NPIPA8: variants seen among roughly 807,000 people sequenced by gnomAD.
The protein encoded by NPIPA8 is nuclear pore complex interacting protein family member A8, also known as nuclear pore complex-interacting protein family member A8.
A neutral mutation model predicts 7.1 loss-of-function variants in NPIPA8; 1 was observed. The observed-to-expected ratio is 0.14, with a 90% CI of 0.05 to 0.66. NPIPA8 has a LOEUF of 0.66. NPIPA8 is among the 30% of genes least tolerant of loss of function. The pLI is 0.84.
chr16:18,323,847 A>AAAAAAAAAAAAG lies in NPIPA8; in HGVS notation c.437+243_437+244insCTTTTTTTTTTT, dbSNP rs750129798. On this transcript the variant is annotated intron_variant, in intron 4 of 7. Coordinates refer to ENST00000541810, the Ensembl canonical transcript of NPIPA8. ...AAAAAAAAAAAAAAAAAAAAAAAAA[A>AAAAAAAAAAAAG]AGAGAAAGGAAAACCAATGCCAGTA... Among the ~76,000 whole-genome samples the AAAAAAAAAAAAG allele has an allele frequency of 7.1e-3, 651 of 91,472 alleles. 73 individuals carry two copies. Among genetic ancestry groups the AAAAAAAAAAAAG allele is most frequent in the East Asian group, 0.023 (66 of 2,840 alleles). The allele number at this position is 91,472 out of a possible 152,430, so 60.0% of individuals were successfully genotyped here.
chr16:18,335,829 CT>C (rs1384911732), upstream of NPIPA8, among the ~76,000 whole-genome samples: 1 of 126,506 alleles, frequency 7.9e-6, no homozygotes, highest in South Asian at 2.6e-4. Flanking sequence ...TTTTTTTTTT[CT>C]TTTTTTTGGA....
upstream of NPIPA8, among the ~76,000 whole-genome samples, chr16:18,335,923 C>A (rs1400008644): frequency 6.8e-6 from 1 of 148,100 alleles, no homozygotes; most frequent in Non-Finnish European, 1.5e-5. Context: ...TGGGTTCATG[C>A]CATTCTCCTG....
chr16:18,335,680 C>T, upstream of NPIPA8, among the ~76,000 whole-genome samples: 1 of 112,468 alleles, frequency 8.9e-6, no homozygotes, highest in African/African-American at 4.1e-5. Flanking sequence ...GTGCGGCCTC[C>T]CGTTTCCGTA....
At chr16:18,336,112 G>A (rs1174039672), upstream of NPIPA8, among the ~76,000 whole-genome samples, 21 of 143,570 alleles carry the variant, frequency 1.5e-4, no homozygotes, top group Admixed American at 3.5e-4. Flanking sequence ...GTGAGCCACC[G>A]TGCCTGGCCC....
At chr16:18,325,166 G>A (rs1900106351) in intron 2 of NPIPA8, among the ~76,000 whole-genome samples, 1 of 81,326 alleles carries the variant, frequency 1.2e-5, no homozygotes, top group East Asian at 3.1e-4. Flanking sequence ...GCCAGGTGCT[G>A]TAGCTCACGC....
chr16:18,323,788 C>A (rs1396706571), intron 4 of NPIPA8, among the ~76,000 whole-genome samples: 1 of 97,976 alleles, frequency 1.0e-5, no homozygotes, highest in African/African-American at 3.7e-5. Context: ...TGAACTGCAG[C>A]CTGGGCAACA....
At chr16:18,335,724 G>A (rs1900162780), upstream of NPIPA8, among the ~76,000 whole-genome samples, 1 of 126,210 alleles carries the variant, frequency 7.9e-6, no homozygotes, top group Admixed American at 7.5e-5. Flanking sequence ...CTGTATTCTT[G>A]GAAAGAGTCT....
chr16:18,325,310 C>T (rs1204339335), intron 2 of NPIPA8, among the ~76,000 whole-genome samples: 132 of 10,054 alleles, frequency 0.013, 3 homozygotes, highest in African/African-American at 0.077. Context: ...TGGCCCACGC[C>T]TGTAGTCCCA....
At position 18,325,165 on chromosome 16, in the gene NPIPA8, T is replaced by C. The variant is rs1320868052; in HGVS notation, c.193-667A>G. Among the ~76,000 whole-genome samples, 5 of 78,042 alleles carry C rather than the reference T, an allele frequency of 6.4e-5. 2 individuals are homozygous for C. The highest frequency in any genetic ancestry group is 1.6e-4 in the African/African-American group (3 of 18,520). 51.2% of individuals were successfully genotyped at this position (78,042 alleles called of 152,430 possible). ...AAAAAAAAAAAAATAGGCCAGGTGC[T>C]GTAGCTCACGCCTGTAATCCCAGCA... On this transcript the variant is annotated intron_variant, in intron 2 of 7. Coordinates refer to ENST00000541810, the Ensembl canonical transcript of NPIPA8.
upstream of NPIPA8, among the ~76,000 whole-genome samples, chr16:18,335,566 C>T (rs1421930385): frequency 3.6e-5 from 4 of 110,928 alleles, no homozygotes; most frequent in African/African-American, 8.7e-5. Context: ...GCCACGGACT[C>T]GGGAGCAACC....
upstream of NPIPA8, among the ~76,000 whole-genome samples, chr16:18,335,767 C>T (rs1261690810): frequency 7.4e-6 from 1 of 134,348 alleles, no homozygotes; most frequent in East Asian, 2.2e-4. Context: ...TCCTTAACTG[C>T]TTAGAAAAAT....
chr16:18,323,847 A>AAGAGAG (rs1555461894), intron 4 of NPIPA8, among the ~76,000 whole-genome samples: 1 of 91,596 alleles, frequency 1.1e-5, no homozygotes, highest in Non-Finnish European at 2.3e-5. Flanking sequence ...AAAAAAAAAA[A>AAGAGAG]AGAGAAAGGA....
upstream of NPIPA8, among the ~76,000 whole-genome samples, chr16:18,335,936 T>C (rs1426359439): frequency 1.3e-5 from 2 of 149,798 alleles, no homozygotes; most frequent in African/African-American, 5.0e-5. Flanking sequence ...TTCTCCTGCC[T>C]CAGCCTCTCG....
upstream of NPIPA8, among the ~76,000 whole-genome samples, chr16:18,335,601 TTC>T (rs1394844454): frequency 9.3e-6 from 1 of 107,462 alleles, no homozygotes; most frequent in Non-Finnish European, 1.9e-5. Flanking sequence ...CTTATGCGCC[TTC>T]TCTGTGTGCT....
rs1180725945 is a variant in NPIPA8 at position 18,324,782 on chromosome 16, C to T, written c.193-284G>A. Among the ~76,000 whole-genome samples the T allele has an allele frequency of 4.3e-4, 26 of 60,854 alleles. 4 individuals carry two copies. Among genetic ancestry groups the T allele is most frequent in the Non-Finnish European group, 5.8e-4 (18 of 31,136 alleles). The allele number at this position is 60,854 out of a possible 152,430, so 39.9% of individuals were successfully genotyped here. On this transcript the variant is annotated intron_variant, in intron 2 of 7. Transcript: ENST00000541810. ...TCACACCACTGCACTCCAGCCTGAG[C>T]GACAGAATGAGACTCTGTCACACAC... is the stretch of plus-strand genomic sequence containing the variant.
upstream of NPIPA8, among the ~76,000 whole-genome samples, chr16:18,335,820 T>A (rs899362620): frequency 7.5e-6 from 1 of 133,006 alleles, no homozygotes; most frequent in Non-Finnish European, 1.6e-5. Context: ...TTTGTGGGAT[T>A]TTTTTTTTCT....
At chr16:18,323,819 G>GGAAAAAAA (rs1900051497) in intron 4 of NPIPA8, among the ~76,000 whole-genome samples, 1 of 33,136 alleles carries the variant, frequency 3.0e-5, no homozygotes, top group African/African-American at 7.7e-5. Flanking sequence ...CCCATCTCAG[G>GGAAAAAAA]AAAAAAAAAA....
intron 2 of NPIPA8, among the ~76,000 whole-genome samples, chr16:18,325,203 G>A (rs1159332008): frequency 8.9e-5 from 6 of 67,220 alleles, no homozygotes; most frequent in South Asian, 4.8e-4. Context: ...TTGGGAGGCC[G>A]AGGCGGGTGA....
At chr16:18,336,081 C>T (rs1900174913), upstream of NPIPA8, among the ~76,000 whole-genome samples, 2 of 150,552 alleles carry the variant, frequency 1.3e-5, no homozygotes, top group South Asian at 2.1e-4. Flanking sequence ...CTCGGCCTCC[C>T]AAAGTGTTGG....
Sources: allele counts gnomAD v4.1 joint callset (sites outside exome capture counted in the v4.1 genomes callset), GRCh38; gene constraint gnomAD v4.1.1; transcripts MANE v1.5; gene names NCBI Gene and HGNC (gene_info 2026-07-23, HGNC 2026-07-21).